The following PACSIN1 variants were observed in gnomAD, a reference collection of about 807,000 sequenced individuals.
The protein encoded by PACSIN1 is protein kinase C and casein kinase substrate in neurons protein 1.
PACSIN1 carries 15 observed loss-of-function variants against 59.5 expected under a neutral mutation model. The observed-to-expected ratio is 0.25, with a 90% CI of 0.17 to 0.39. The LOEUF is 0.39. Ranked by LOEUF, PACSIN1 falls within the 10% of genes least tolerant of loss-of-function variation. The probability of loss-of-function intolerance (pLI) is 1.00; values close to 1 mark genes in which losing one functional copy is unlikely to be tolerated. For synonymous variants in PACSIN1, 210 were observed against 220.6 expected, an observed-to-expected ratio of 0.95 and a Z score of 0.42; for missense variants, 420 against 580.2, an observed-to-expected ratio of 0.72 and a Z score of 2.84.
intron 1 of PACSIN1, among the ~76,000 whole-genome samples, chr6:34,499,406 T>C (rs143751132): frequency 2.8e-4 from 42 of 150,550 alleles, no homozygotes; most frequent in Non-Finnish European, 5.5e-4. Context: ...GGCCCAGGGG[T>C]TGGGGACTCC....
chr6:34,478,029 A>G (rs1029689329), intron 1 of PACSIN1, among the ~76,000 whole-genome samples: 1 of 147,898 alleles, frequency 6.8e-6, no homozygotes, highest in Non-Finnish European at 1.5e-5. Flanking sequence ...CTGGGATTAC[A>G]GGCATGAGCC....
intron 1 of PACSIN1, among the ~76,000 whole-genome samples, chr6:34,466,510 C>T (rs1035118747): frequency 5.9e-5 from 9 of 152,146 alleles, no homozygotes; most frequent in African/African-American, 2.2e-4. Context: ...CTTGGGGGAG[C>T]GAGCTGGCAT....
intron 1 of PACSIN1, among the ~76,000 whole-genome samples, chr6:34,491,100 C>T (rs984347365): frequency 3.9e-5 from 6 of 152,120 alleles, no homozygotes; most frequent in African/African-American, 1.4e-4. Flanking sequence ...TGAACTTCTT[C>T]TGTTTTACGC....
At chr6:34,492,914 C>T (rs1296660665) in intron 1 of PACSIN1, among the ~76,000 whole-genome samples, 3 of 152,176 alleles carry the variant, frequency 2.0e-5, no homozygotes, top group Non-Finnish European at 4.4e-5. Context: ...TGCACGTGTA[C>T]TCCTGTATCT....
chr6:34,512,486 C>T (rs1242892410), intron 1 of PACSIN1, among the ~76,000 whole-genome samples: 1 of 152,186 alleles, frequency 6.6e-6, no homozygotes, highest in Admixed American at 6.5e-5. Flanking sequence ...AACTCAATCC[C>T]TCCCTGTCCC....
intron 1 of PACSIN1, among the ~76,000 whole-genome samples, chr6:34,466,863 C>A (rs1056657630): frequency 6.6e-6 from 1 of 152,192 alleles, no homozygotes; most frequent in African/African-American, 2.4e-5. Flanking sequence ...CCCCTGCAAG[C>A]CCCAGGCCAC....
chr6:34,521,741 G>A lies in PACSIN1; in HGVS notation c.-63-4502G>A, dbSNP rs918367457. 3.3e-5 allele frequency among the ~76,000 whole-genome samples: 5 copies of A among 152,092 alleles called. No homozygotes were observed. Among genetic ancestry groups the A allele is most frequent in the African/African-American group, 9.7e-5 (4 of 41,400 alleles). On this transcript the variant is annotated intron_variant, in intron 1 of 9. Transcript: ENST00000244458. The surrounding 1 kb of genome is among the most constrained non-coding windows in gnomAD (Gnocchi z 4.3). ...CGGCGGTGGTGGATGGATAGTAAGC[G>A]CCGACACCTGTGGAGAGCTCGCCGT... is the stretch of plus-strand genomic sequence containing the variant.
intron 2 of PACSIN1, among the ~76,000 whole-genome samples, chr6:34,527,000 G>C (rs1308951644): frequency 6.6e-6 from 1 of 152,076 alleles, no homozygotes; most frequent in East Asian, 1.9e-4. Flanking sequence ...GATTTAACTC[G>C]CAAAAACAAA....
chr6:34,481,425 G>A (rs1766717115), intron 1 of PACSIN1, among the ~76,000 whole-genome samples: 2 of 152,172 alleles, frequency 1.3e-5, no homozygotes, highest in African/African-American at 4.8e-5. Context: ...GCTCACGCCT[G>A]TAATCCCAGC....
chr6:34,520,777 G>A (rs1056564029), intron 1 of PACSIN1, among the ~76,000 whole-genome samples: 1 of 152,200 alleles, frequency 6.6e-6, no homozygotes, highest in Admixed American at 6.5e-5. Context: ...CCCTGGAACC[G>A]GGCCCTGAGG....
At chr6:34,503,069 A>G (rs11964077) in intron 1 of PACSIN1, among the ~76,000 whole-genome samples, 26,472 of 152,034 alleles carry the variant, frequency 0.17, 2,721 homozygotes, top group Non-Finnish European at 0.24. Context: ...CAGGCCAGGC[A>G]CAGGGCAACA....
rs1156364521 is a variant in PACSIN1 at position 34,515,901 on chromosome 6, G to C, written c.-63-10342G>C. 1.3e-5 allele frequency among the ~76,000 whole-genome samples: 2 copies of C among 152,092 alleles called. No individual in the cohort carries two copies. Among genetic ancestry groups the C allele is most frequent in the South Asian group, 4.1e-4 (2 of 4,830 alleles). On this transcript the variant is annotated intron_variant, in intron 1 of 9. Coordinates refer to ENST00000244458, the MANE Select transcript of PACSIN1 (RefSeq NM_020804.5). The surrounding 1 kb of genome is among the most constrained non-coding windows in gnomAD (Gnocchi z 4.4). ...TCTGCCAGCTGCTCAGGAGGGGGCA[G>C]GGTGGGGTGCAGGGGAGGAGCTGGG...
intron 1 of PACSIN1, among the ~76,000 whole-genome samples, chr6:34,478,780 A>C (rs941114912): frequency 6.6e-6 from 1 of 152,192 alleles, no homozygotes; most frequent in East Asian, 1.9e-4. Flanking sequence ...TAGGTTGTAC[A>C]TTTGTCTTAG....
At position 34,521,039 on chromosome 6, in the gene PACSIN1, A is replaced by G. The variant is rs1767383066; in HGVS notation, c.-63-5204A>G. ...TGGCATTTATTCATTCATTCATTCAACAAAAGTGCACTGCGCACTTACTAT... is the reference window on the plus strand; with the variant it reads ...TGGCATTTATTCATTCATTCATTCAGCAAAAGTGCACTGCGCACTTACTAT... On this transcript the variant is annotated intron_variant, in intron 1 of 9. Transcript: ENST00000244458. The surrounding 1 kb of genome is among the most constrained non-coding windows in gnomAD (Gnocchi z 4.3). Among the ~76,000 whole-genome samples the G allele has an allele frequency of 6.6e-6, 1 of 152,216 alleles. No individual in the cohort carries two copies. Among genetic ancestry groups the G allele is most frequent in the South Asian group, 2.1e-4 (1 of 4,832 alleles).
intron 1 of PACSIN1, among the ~76,000 whole-genome samples, chr6:34,489,608 T>A (rs924603558): frequency 2.0e-5 from 3 of 152,132 alleles, no homozygotes; most frequent in African/African-American, 7.2e-5. Context: ...CTGCAATGTG[T>A]GTCTATTCCA....
intron 1 of PACSIN1, among the ~76,000 whole-genome samples, chr6:34,522,458 C>T (rs936515451): frequency 3.3e-5 from 5 of 152,216 alleles, no homozygotes; most frequent in Non-Finnish European, 7.3e-5. Context: ...GCTCTGGATC[C>T]AGACCCTGGG....
At chr6:34,486,777 T>G (rs2127249931) in intron 1 of PACSIN1, among the ~76,000 whole-genome samples, 1 of 152,226 alleles carries the variant, frequency 6.6e-6, no homozygotes, top group East Asian at 1.9e-4. Context: ...GTTGGGACAG[T>G]GCCTCTTCCC....
chr6:34,491,190 A>C (rs1253526805), intron 1 of PACSIN1, among the ~76,000 whole-genome samples: 1 of 152,148 alleles, frequency 6.6e-6, no homozygotes, highest in Non-Finnish European at 1.5e-5. Context: ...ATTTGCTGCT[A>C]AAGAGGCCCT....
In PACSIN1 at chr6:34,467,907, A is replaced by G. The variant is rs532076367; in HGVS notation, c.-64+1637A>G. 2.8e-3 allele frequency among the ~76,000 whole-genome samples: 426 copies of G among 152,176 alleles called. 4 individuals carry two copies. Among genetic ancestry groups the G allele is most frequent in the African/African-American group, 9.7e-3 (403 of 41,508 alleles). On this transcript the variant is annotated intron_variant, in intron 1 of 9. Transcript: ENST00000244458. ...ATGGGCAGCTATGCCTTTTGGAGAT[A>G]GTGTTGCAACCTGCTGGCTCCAGAG...
Sources: allele counts gnomAD v4.1 joint callset (sites outside exome capture counted in the v4.1 genomes callset), GRCh38; gene constraint gnomAD v4.1.1; non-coding constraint Gnocchi (gnomAD v3.1); transcripts MANE v1.5; gene names NCBI Gene and HGNC (gene_info 2026-07-23, HGNC 2026-07-21).